The following RB1CC1 variants were observed in gnomAD, a reference collection of about 807,000 sequenced individuals.
RB1CC1 encodes RB1-inducible coiled-coil protein 1.
Under a neutral mutation model 177.5 loss-of-function variants are expected in RB1CC1, and 46 were observed. That is an observed-to-expected ratio of 0.26 (90% CI 0.20 to 0.33). The LOEUF (loss-of-function observed/expected upper bound fraction) is 0.33, where lower values mean the gene tolerates loss of function less well. RB1CC1 is among the 10% of genes least tolerant of loss of function. The probability of loss-of-function intolerance (pLI) is 1.00; values close to 1 mark genes in which losing one functional copy is unlikely to be tolerated. For synonymous variants in RB1CC1, 666 were observed against 613.6 expected, an observed-to-expected ratio of 1.09 and a Z score of -1.26; for missense variants, 1,703 against 1,816.3, an observed-to-expected ratio of 0.94 and a Z score of 1.13.
At chr8:52,650,502 G>A (rs2150442994) in intron 15 of RB1CC1, among the ~76,000 whole-genome samples, 1 of 152,148 alleles carries the variant, frequency 6.6e-6, no homozygotes, top group Non-Finnish European at 1.5e-5. Flanking sequence ...AGATCTCTTG[G>A]CCTTCACCAG....
chr8:52,652,004 C>T (rs907686769), intron 15 of RB1CC1, among the ~76,000 whole-genome samples: 2 of 152,084 alleles, frequency 1.3e-5, no homozygotes, highest in African/African-American at 2.4e-5. Flanking sequence ...AGAAGAATAT[C>T]GACAATCATC....
At chr8:52,684,857 A>C (rs1854112102) in intron 3 of RB1CC1, among the ~76,000 whole-genome samples, 1 of 152,106 alleles carries the variant, frequency 6.6e-6, no homozygotes, top group Non-Finnish European at 1.5e-5. Flanking sequence ...CTGTTTACTG[A>C]TCTGTTTACT....
At chr8:52,680,391 G>A (rs781609818) in intron 5 of RB1CC1, among the ~76,000 whole-genome samples, 6 of 152,084 alleles carry the variant, frequency 3.9e-5, no homozygotes, top group Non-Finnish European at 8.8e-5. Flanking sequence ...CAAGACAAGT[G>A]AAATTAATAG....
intron 5 of RB1CC1, among the ~76,000 whole-genome samples, chr8:52,677,225 GAC>G (rs2150569174): frequency 6.6e-6 from 1 of 152,192 alleles, no homozygotes; most frequent in East Asian, 1.9e-4. Context: ...ACTGGTATGA[GAC>G]AGATATAAAA....
At chr8:52,694,363 A>AT (rs1183397211) in intron 1 of RB1CC1, among the ~76,000 whole-genome samples, 3 of 152,170 alleles carry the variant, frequency 2.0e-5, no homozygotes, top group African/African-American at 7.2e-5. Flanking sequence ...TCCCAGGCTC[A>AT]TCCCCCCCGG....
chr8:52,625,578 T>C (rs1196145417), intron 22 of RB1CC1, among the ~76,000 whole-genome samples: 1 of 152,148 alleles, frequency 6.6e-6, no homozygotes, highest in Non-Finnish European at 1.5e-5. Flanking sequence ...CATCCTATAT[T>C]GAAAATATCT....
intron 6 of RB1CC1, 88 bp downstream of exon 6, chr8:52,676,281 A>G (rs1853122256): frequency 2.4e-6 from 3 of 1,231,068 alleles, no homozygotes; most frequent in South Asian, 1.3e-5. Context: ...TATATGGCCT[A>G]TAAGAAACAA....
intron 15 of RB1CC1, among the ~76,000 whole-genome samples, chr8:52,648,607 TC>T (rs779625409): frequency 2.6e-5 from 4 of 152,134 alleles, no homozygotes; most frequent in Non-Finnish European, 5.9e-5. Context: ...GGGAATATGT[TC>T]CGAGACCCCC....
chr8:52,698,744 C>T (rs772663559), intron 1 of RB1CC1, among the ~76,000 whole-genome samples: 1 of 127,262 alleles, frequency 7.9e-6, no homozygotes, highest in Non-Finnish European at 1.6e-5. Context: ...GAGTCTCGGT[C>T]TGTCGCCCAG....
At chr8:52,673,450 T>A (rs1321417041) in intron 7 of RB1CC1, among the ~76,000 whole-genome samples, 1 of 152,214 alleles carries the variant, frequency 6.6e-6, no homozygotes, top group Non-Finnish European at 1.5e-5. Context: ...TGAAATTTCT[T>A]CTTTAAAAGT....
rs1461752318 is a variant in RB1CC1, at chr8:52,658,031, T to A, written c.1887A>T (p.Ser629=). 6.2e-7 allele frequency: 1 copy of A among 1,614,112 alleles called. No individual in the cohort carries two copies. The highest frequency in any genetic ancestry group is 1.7e-5 in the Admixed American group (1 of 60,028). ...CACTCAGTAGATCTGTAATGGTCTG[T>A]GACATTTCATCCAAACTTTGTGCTG... is the stretch of plus-strand genomic sequence containing the variant. ...VKAAQSLDEM[S]QTITDLLSEQ... Residue 629 remains serine, a synonymous_variant, in exon 14 of 24, where the codon TCA becomes TCT. Coordinates refer to ENST00000025008, the MANE Select transcript of RB1CC1 (RefSeq NM_014781.5).
At chr8:52,629,438 A>T (rs1440478103) in intron 21 of RB1CC1, among the ~76,000 whole-genome samples, 1 of 152,180 alleles carries the variant, frequency 6.6e-6, no homozygotes, top group Non-Finnish European at 1.5e-5. Flanking sequence ...TAAATTCTGT[A>T]AACCAAAAAT....
chr8:52,639,989 T>G (rs1849435268), intron 18 of RB1CC1, among the ~76,000 whole-genome samples: 1 of 152,186 alleles, frequency 6.6e-6, no homozygotes, highest in African/African-American at 2.4e-5. Flanking sequence ...TATTTGTACC[T>G]TCTATTTATC....
intron 1 of RB1CC1, among the ~76,000 whole-genome samples, chr8:52,713,469 T>A (rs978052118): frequency 6.6e-6 from 1 of 152,210 alleles, no homozygotes; most frequent in African/African-American, 2.4e-5. Flanking sequence ...ATCCCAAATC[T>A]ATCCGTGGGG....
At chr8:52,630,606 T>A in intron 20 of RB1CC1, 78 bp from the exon 21 acceptor site, 1 of 1,423,954 alleles carries the variant, frequency 7.0e-7, no homozygotes, top group Non-Finnish European at 9.3e-7. Context: ...TTTCACCCAC[T>A]GTTATACACA....
chr8:52,641,384 C>CAAAAAAAAAAAAAAAAAAAAATAAAA (rs33912526), intron 18 of RB1CC1, among the ~76,000 whole-genome samples: 1 of 97,502 alleles, frequency 1.0e-5, no homozygotes, highest in Non-Finnish European at 2.0e-5. Context: ...GACTTCATCT[C>CAAAAAAAAAAAAAAAAAAAAATAAAA]AAAAAAAAAA....
At chr8:52,661,030 A>G (rs778462192) in intron 10 of RB1CC1, 23 bp from the exon 11 acceptor site, 1 of 1,610,736 alleles carries the variant, frequency 6.2e-7, no homozygotes, top group Non-Finnish European at 8.5e-7. Flanking sequence ...AGCTTATGTT[A>G]AACATAAACA....
chr8:52,645,660 CCTT>C, intron 16 of RB1CC1, 39 bp downstream of exon 16: 2 of 1,571,868 alleles, frequency 1.3e-6, no homozygotes, highest in South Asian at 1.2e-5. Context: ...TTTATGTCTA[CCTT>C]CTTTAGTTCT....
chr8:52,650,255 C>T (rs775994188), intron 15 of RB1CC1, among the ~76,000 whole-genome samples: 22 of 152,176 alleles, frequency 1.4e-4, no homozygotes, highest in Admixed American at 5.9e-4. Context: ...ATTCCCTCCT[C>T]GGTAGGTTCT....
Sources: gnomAD v4.1 joint callset for allele counts (sites outside exome capture counted in the v4.1 genomes callset) on GRCh38, gnomAD v4.1.1 for gene constraint, MANE v1.5 for transcripts, NCBI Gene and HGNC (gene_info 2026-07-23, HGNC 2026-07-21) for gene names.